The following DCC variants were observed in gnomAD, a reference collection of about 807,000 sequenced individuals.
The protein encoded by DCC is DCC netrin 1 receptor.
Under a neutral mutation model 172.5 loss-of-function variants are expected in DCC, and 58 were observed. The ratio of observed to expected loss-of-function variants is 0.34; its 90% CI spans 0.27 to 0.42. DCC has a LOEUF of 0.42. Ranked by LOEUF, DCC falls within the 10% of genes least tolerant of loss-of-function variation. The pLI, the probability that DCC is intolerant of heterozygous loss-of-function variation, is 1.00. For missense variants in DCC, 1,740 were observed against 1,791.0 expected (o/e 0.97, Z 0.51); for synonymous variants, 709 against 644.5 (o/e 1.10, Z -1.52).
At chr18:53,439,850 C>T (rs919750827) in intron 22 of DCC, among the ~76,000 whole-genome samples, 18 of 145,680 alleles carry the variant, frequency 1.2e-4, no homozygotes, top group South Asian at 8.7e-4. Flanking sequence ...CTGCAAGCTC[C>T]GCCTCCCGGG....
intron 21 of DCC, among the ~76,000 whole-genome samples, chr18:53,419,133 T>A (rs984933400): frequency 1.3e-5 from 2 of 152,104 alleles, no homozygotes; most frequent in Non-Finnish European, 2.9e-5. Flanking sequence ...AGATAGAAAA[T>A]CTATGCTTTA....
At chr18:52,506,134 G>A (rs1422368522) in intron 1 of DCC, among the ~76,000 whole-genome samples, 1 of 151,982 alleles carries the variant, frequency 6.6e-6, no homozygotes, top group Non-Finnish European at 1.5e-5. Context: ...CTTCCTCTTT[G>A]TTTTACAGCT....
chr18:53,009,026 G>C (rs932383298), intron 5 of DCC, among the ~76,000 whole-genome samples: 2 of 151,868 alleles, frequency 1.3e-5, no homozygotes, highest in African/African-American at 4.8e-5. Flanking sequence ...GATGATGAGA[G>C]TAGAATACTC....
intron 15 of DCC, among the ~76,000 whole-genome samples, chr18:53,360,871 A>AT (rs2057937597): frequency 1.3e-5 from 2 of 152,144 alleles, no homozygotes; most frequent in South Asian, 4.1e-4. Context: ...CATTTTAGAA[A>AT]TTTTTTATTT....
At chr18:53,406,404 T>TA (rs751086203) in intron 19 of DCC, among the ~76,000 whole-genome samples, 14 of 127,728 alleles carry the variant, frequency 1.1e-4, no homozygotes, top group East Asian at 7.7e-4. Context: ...TTCTGAGGTT[T>TA]AAAAAAAAAA....
At chr18:52,746,256 C>G (rs568831201) in intron 1 of DCC, among the ~76,000 whole-genome samples, 4 of 152,096 alleles carry the variant, frequency 2.6e-5, no homozygotes, top group Non-Finnish European at 5.9e-5. Context: ...TATGAAGATT[C>G]ACGGATCATC....
chr18:53,341,241 T>A (rs1461929213), intron 15 of DCC, among the ~76,000 whole-genome samples: 6 of 152,140 alleles, frequency 3.9e-5, no homozygotes, highest in African/African-American at 1.4e-4. Context: ...CCCATGGCAG[T>A]AAATGGCTCC....
intron 2 of DCC, among the ~76,000 whole-genome samples, chr18:52,766,514 G>T (rs566948980): frequency 6.6e-6 from 1 of 151,938 alleles, no homozygotes; most frequent in Non-Finnish European, 1.5e-5. Context: ...TTTTATTGCC[G>T]ATGAAAGTGG....
intron 8 of DCC, among the ~76,000 whole-genome samples, chr18:53,170,569 G>A (rs571666898): frequency 1.3e-5 from 2 of 152,180 alleles, no homozygotes; most frequent in South Asian, 2.1e-4. Flanking sequence ...CTTCTTGGAC[G>A]CAATAGATTT....
intron 9 of DCC, among the ~76,000 whole-genome samples, chr18:53,193,712 G>T (rs2055400031): frequency 6.6e-6 from 1 of 152,164 alleles, no homozygotes; most frequent in South Asian, 2.1e-4. Flanking sequence ...CGTGTTAGGA[G>T]AATAGAGTGC....
At chr18:52,856,053 C>T (rs930336180) in intron 2 of DCC, among the ~76,000 whole-genome samples, 16 of 151,798 alleles carry the variant, frequency 1.1e-4, no homozygotes, top group African/African-American at 3.9e-4. Context: ...GCGTGAGCCA[C>T]CGCGCCCCGC....
intron 7 of DCC, among the ~76,000 whole-genome samples, chr18:53,076,830 C>G (rs946041747): frequency 6.6e-6 from 1 of 152,130 alleles, no homozygotes; most frequent in African/African-American, 2.4e-5. Context: ...CAGCATGTGT[C>G]TCTGTTGCTA....
intron 5 of DCC, among the ~76,000 whole-genome samples, chr18:52,970,076 A>G (rs561495079): frequency 6.6e-6 from 1 of 152,262 alleles, no homozygotes; most frequent in Non-Finnish European, 1.5e-5. Flanking sequence ...TTCTGTATGA[A>G]TGTCATACAT....
chr18:52,787,843 T>C (rs1224592515), intron 2 of DCC, among the ~76,000 whole-genome samples: 1 of 152,172 alleles, frequency 6.6e-6, no homozygotes, highest in East Asian at 1.9e-4. Flanking sequence ...TATTAGCCTT[T>C]ACTATTGCAT....
intron 12 of DCC, among the ~76,000 whole-genome samples, chr18:53,276,861 C>T (rs558161330): frequency 3.9e-5 from 6 of 152,048 alleles, no homozygotes; most frequent in Non-Finnish European, 8.8e-5. Context: ...TACTATGGAA[C>T]TTGGGTCAGT....
chr18:52,855,365 T>C (rs2039035563), intron 2 of DCC, among the ~76,000 whole-genome samples: 1 of 152,244 alleles, frequency 6.6e-6, no homozygotes, highest in African/African-American at 2.4e-5. Flanking sequence ...CTGTATTTTC[T>C]ATATTCACAG....
intron 21 of DCC, among the ~76,000 whole-genome samples, chr18:53,422,578 T>C (rs1910691595): frequency 6.6e-6 from 1 of 152,192 alleles, no homozygotes; most frequent in South Asian, 2.1e-4. Flanking sequence ...CTTTCCTTAA[T>C]AGGGTATTCA....
At chr18:52,366,596 G>A (rs899580700) in intron 1 of DCC, among the ~76,000 whole-genome samples, 2 of 151,798 alleles carry the variant, frequency 1.3e-5, no homozygotes, top group African/African-American at 4.9e-5. Context: ...TAGATACAGA[G>A]TGTCGATTGG....
At chr18:53,222,637 C>A (rs565768495) in intron 12 of DCC, among the ~76,000 whole-genome samples, 3 of 151,304 alleles carry the variant, frequency 2.0e-5, no homozygotes, top group African/African-American at 4.9e-5. Flanking sequence ...CTGCCCGCCT[C>A]GGCCTCCCAA....
Sources: allele counts gnomAD v4.1 joint callset (sites outside exome capture counted in the v4.1 genomes callset), GRCh38; gene constraint gnomAD v4.1.1; transcripts MANE v1.5; gene names NCBI Gene and HGNC (gene_info 2026-07-23, HGNC 2026-07-21).